STAC: variants seen among roughly 807,000 people sequenced by gnomAD.
STAC encodes the protein SH3 and cysteine-rich domain-containing protein.
Under a neutral mutation model 48.8 loss-of-function variants are expected in STAC, and 43 were observed. That is an observed-to-expected ratio of 0.88 (90% CI 0.69 to 1.14). The LOEUF (loss-of-function observed/expected upper bound fraction) is 1.14. Ranked by LOEUF, STAC falls within the 50% of genes most tolerant of loss-of-function variation. STAC has a pLI of 0.00. For missense variants in STAC, 497 were observed against 504.0 expected, an observed-to-expected ratio of 0.99 and a Z score of 0.13; for synonymous variants, 193 against 179.5, an observed-to-expected ratio of 1.07 and a Z score of -0.60.
intron 10 of STAC, among the ~76,000 whole-genome samples, chr3:36,538,277 C>T (rs2125502128): frequency 6.6e-6 from 1 of 152,248 alleles, no homozygotes; most frequent in African/African-American, 2.4e-5. Flanking sequence ...TTTCATGCTA[C>T]AACTAAATAG....
At chr3:36,525,362 A>G (rs1220187364) in intron 8 of STAC, among the ~76,000 whole-genome samples, 1 of 152,184 alleles carries the variant, frequency 6.6e-6, no homozygotes, top group African/African-American at 2.4e-5. Context: ...ATAAGATTAT[A>G]GCCTGTTATC....
At chr3:36,539,571 T>C (rs910276653) in intron 10 of STAC, among the ~76,000 whole-genome samples, 1 of 152,192 alleles carries the variant, frequency 6.6e-6, no homozygotes, top group Non-Finnish European at 1.5e-5. Flanking sequence ...TATTCCATGG[T>C]GTATATGTAC....
At chr3:36,529,028 G>T in intron 10 of STAC, 43 bp downstream of exon 10, 3 of 1,537,146 alleles carry the variant, frequency 2.0e-6, no homozygotes, top group South Asian at 1.3e-5. Flanking sequence ...GAGCCAAATA[G>T]GGTGTCATTT....
At chr3:36,488,782 C>A (rs1254916564) in intron 5 of STAC, among the ~76,000 whole-genome samples, 1 of 152,138 alleles carries the variant, frequency 6.6e-6, no homozygotes, top group Non-Finnish European at 1.5e-5. Context: ...AAAGAAATAA[C>A]CGTGCTACCC....
chr3:36,423,386 G>C lies in STAC; in HGVS notation c.112-19978G>C, dbSNP rs1700489819. Among the ~76,000 whole-genome samples, 3 of 151,462 alleles carry C rather than the reference G, an allele frequency of 2.0e-5. No individual in the cohort carries two copies. The South Asian group carries it at 6.3e-4, about 32-fold the overall frequency. On this transcript the variant is annotated intron_variant, in intron 1 of 10. Coordinates refer to ENST00000273183, the MANE Select transcript of STAC (RefSeq NM_003149.3). Reference sequence around the variant, plus strand: ...AGAAAATGGAATAATTAATTATTCTGCTGCCTCCATTCAATGAAATATTAG... The same window carrying C: ...AGAAAATGGAATAATTAATTATTCTCCTGCCTCCATTCAATGAAATATTAG...
chr3:36,478,354 T>C (rs1697548456), intron 2 of STAC, among the ~76,000 whole-genome samples: 1 of 152,252 alleles, frequency 6.6e-6, no homozygotes, highest in East Asian at 1.9e-4. Context: ...CTTAAACATA[T>C]TTTATTTTTC....
chr3:36,480,862 G>A (rs1232342066), intron 2 of STAC, among the ~76,000 whole-genome samples: 1 of 152,182 alleles, frequency 6.6e-6, no homozygotes, highest in Non-Finnish European at 1.5e-5. Flanking sequence ...CAAGAGCTGG[G>A]AATATCGAGG....
intron 6 of STAC, among the ~76,000 whole-genome samples, chr3:36,494,934 T>A (rs1698097993): frequency 6.6e-6 from 1 of 152,212 alleles, no homozygotes; most frequent in Admixed American, 6.5e-5. Context: ...GAGACTTGCA[T>A]GATAATGCTT....
rs1036208393 is a variant in STAC, at chr3:36,504,458, G to T, written c.831+1G>T. 4 of 1,613,236 alleles carry T rather than the reference G, an allele frequency of 2.5e-6. No individual in the cohort carries two copies. In the African/African-American group the frequency reaches 5.3e-5, roughly 22 times the overall value. ...TCCAGCGAAGAACATAAACCACCAG[G>T]TATTTATGGATGTCACAGAAGACAA... On this transcript the variant is annotated splice_donor_variant, in intron 7 of 10. Coordinates refer to ENST00000273183, the MANE Select transcript of STAC (RefSeq NM_003149.3). LOFTEE classifies it high-confidence loss of function.
Position 36,546,510 on chromosome 3 carries a change from G to A in STAC, c.*221G>A. ...CACAGGTGGGGACGAGGCTGAGAGA[G>A]TCAGCAGGCAGAGCCAGATGCCATG... On this transcript the variant is annotated 3_prime_UTR_variant, in exon 11 of 11. Transcript: ENST00000273183. 1.8e-6 allele frequency: 1 copy of A among 563,250 alleles called. No individual in the cohort carries two copies. The highest frequency in any genetic ancestry group is 3.2e-6 in the Non-Finnish European group (1 of 316,224). 34.9% of individuals were successfully genotyped at this position (563,250 alleles called of 1,614,324 possible).
chr3:36,442,199 C>G (rs1344254190), intron 1 of STAC, among the ~76,000 whole-genome samples: 1 of 152,108 alleles, frequency 6.6e-6, no homozygotes, highest in Non-Finnish European at 1.5e-5. Context: ...CTTTCAAGAC[C>G]AAGAGTTTAT....
chr3:36,439,761 C>A (rs1174985451), intron 1 of STAC, among the ~76,000 whole-genome samples: 1 of 152,142 alleles, frequency 6.6e-6, no homozygotes, highest in Non-Finnish European at 1.5e-5. Flanking sequence ...CAAAGTGGCT[C>A]AATCTCAATG....
chr3:36,470,551 G>A (rs1335107640), intron 2 of STAC, among the ~76,000 whole-genome samples: 2 of 152,246 alleles, frequency 1.3e-5, no homozygotes, highest in South Asian at 2.1e-4. Context: ...CTCCAGCCAG[G>A]AGGTGGCACC....
chr3:36,493,143 C>T lies in STAC; in HGVS notation c.688-8C>T. 1 of 1,612,370 alleles carries T rather than the reference C, an allele frequency of 6.2e-7. No individual in the cohort carries two copies. The highest frequency in any genetic ancestry group is 8.5e-7 in the Non-Finnish European group (1 of 1,178,926). On this transcript the variant is annotated splice_polypyrimidine_tract_variant and splice_region_variant and intron_variant, in intron 5 of 10. Transcript: ENST00000273183. ...GTTCATCCCATGCTCTTTCTTCTTT[C>T]CTCCAAGACTTCAGATCTTGTGGAG...
chr3:36,529,481 GA>G (rs934508745), intron 10 of STAC, among the ~76,000 whole-genome samples: 3 of 152,148 alleles, frequency 2.0e-5, no homozygotes, highest in African/African-American at 4.8e-5. Context: ...TAGATAACCA[GA>G]TACTATCTCA....
chr3:36,437,103 G>A (rs972357381), intron 1 of STAC, among the ~76,000 whole-genome samples: 10 of 151,956 alleles, frequency 6.6e-5, no homozygotes, highest in Middle Eastern at 3.2e-3. Context: ...TGAGAATGGC[G>A]ATCATTAAAA....
intron 8 of STAC, among the ~76,000 whole-genome samples, chr3:36,525,885 T>C (rs1441983349): frequency 6.6e-6 from 1 of 152,248 alleles, no homozygotes; most frequent in Admixed American, 6.5e-5. Flanking sequence ...AGATAGATAT[T>C]AACTGAGAAT....
chr3:36,475,352 C>T (rs549501063), intron 2 of STAC, among the ~76,000 whole-genome samples: 13 of 151,986 alleles, frequency 8.6e-5, no homozygotes, highest in Non-Finnish European at 1.9e-4. Context: ...AATAATGGCA[C>T]TAAGGATGTA....
chr3:36,496,014 C>A (rs1041964752), intron 6 of STAC, among the ~76,000 whole-genome samples: 3 of 152,208 alleles, frequency 2.0e-5, no homozygotes, highest in African/African-American at 4.8e-5. Flanking sequence ...CACATGCACA[C>A]AATATCCCCC....
Sources: gnomAD v4.1 joint callset for allele counts (sites outside exome capture counted in the v4.1 genomes callset) on GRCh38, gnomAD v4.1.1 for gene constraint, MANE v1.5 for transcripts, NCBI Gene and HGNC (gene_info 2026-07-23, HGNC 2026-07-21) for gene names.